The following SLC35F1 variants were observed in gnomAD, a reference collection of about 807,000 sequenced individuals.
SLC35F1 encodes the protein chromosome 6 open reading frame 169.
A neutral mutation model predicts 48.7 loss-of-function variants in SLC35F1; 14 were observed. The ratio of observed to expected loss-of-function variants is 0.29; its 90% confidence interval spans 0.19 to 0.45. SLC35F1 has a LOEUF of 0.45. Ranked by LOEUF, SLC35F1 falls within the 20% of genes least tolerant of loss-of-function variation. The pLI is 1.00. For missense variants in SLC35F1, 404 were observed against 500.0 expected (o/e 0.81, Z 1.83); for synonymous variants, 190 against 202.2 (o/e 0.94, Z 0.51).
chr6:118,198,268 A>G (rs763832796), intron 2 of SLC35F1, among the ~76,000 whole-genome samples: 19 of 152,238 alleles, frequency 1.2e-4, no homozygotes, highest in Non-Finnish European at 2.1e-4. Context: ...GCTCACAGAT[A>G]TGCCAGTTTC....
At chr6:118,061,588 G>GTATATATATATATATATATATATATA (rs1237884567) in intron 1 of SLC35F1, among the ~76,000 whole-genome samples, 1 of 144,682 alleles carries the variant, frequency 6.9e-6, no homozygotes. Flanking sequence ...GTGTGTGTGT[G>GTATATATATATATATATATATATATA]TGTATATATA....
intron 2 of SLC35F1, among the ~76,000 whole-genome samples, chr6:118,233,755 C>T (rs993943271): frequency 5.3e-5 from 8 of 152,232 alleles, no homozygotes; most frequent in African/African-American, 1.7e-4. Flanking sequence ...AAGGGCTTAG[C>T]CAAAAGACCA....
At chr6:118,037,380 T>C (rs974067653) in intron 1 of SLC35F1, among the ~76,000 whole-genome samples, 4 of 152,206 alleles carry the variant, frequency 2.6e-5, no homozygotes, top group African/African-American at 4.8e-5. Context: ...TTATCATTTT[T>C]TTATCTGTGT....
chr6:118,240,611 AC>A (rs1775426053), intron 3 of SLC35F1, among the ~76,000 whole-genome samples: 1 of 152,238 alleles, frequency 6.6e-6, no homozygotes, highest in Non-Finnish European at 1.5e-5. Context: ...ACGAATGAAG[AC>A]ATAATCAAGA....
intron 1 of SLC35F1, among the ~76,000 whole-genome samples, chr6:117,918,874 A>G (rs1006535296): frequency 6.6e-6 from 1 of 151,960 alleles, no homozygotes; most frequent in Admixed American, 6.6e-5. Flanking sequence ...GAGAGAGAGA[A>G]GAGGGAATTA....
intron 1 of SLC35F1, among the ~76,000 whole-genome samples, chr6:117,965,077 T>C (rs1397534438): frequency 6.6e-6 from 1 of 152,170 alleles, no homozygotes; most frequent in East Asian, 1.9e-4. Context: ...TTCAGTTGCT[T>C]GATAGGATCT....
chr6:117,908,136 G>C (rs963225704), intron 1 of SLC35F1, among the ~76,000 whole-genome samples: 1 of 152,218 alleles, frequency 6.6e-6, no homozygotes, highest in African/African-American at 2.4e-5. Context: ...GGGAGTTCGG[G>C]GAGAGGCGGG....
At chr6:117,975,310 G>T (rs1310191148) in intron 1 of SLC35F1, among the ~76,000 whole-genome samples, 1 of 152,166 alleles carries the variant, frequency 6.6e-6, no homozygotes, top group Non-Finnish European at 1.5e-5. Context: ...AAGAAATTTT[G>T]ATTAGAGTTA....
intron 6 of SLC35F1, among the ~76,000 whole-genome samples, chr6:118,282,082 G>C (rs190041651): frequency 6.6e-6 from 1 of 152,322 alleles, no homozygotes; most frequent in East Asian, 1.9e-4. Context: ...CACATACTCT[G>C]TTATAAATGT....
intron 6 of SLC35F1, 70 bp downstream of exon 6, chr6:118,277,616 C>A: frequency 1.5e-6 from 2 of 1,371,158 alleles, no homozygotes; most frequent in South Asian, 1.2e-5. Flanking sequence ...TGATGTGGGT[C>A]GGGTGGAGCA....
At chr6:118,139,334 G>A (rs906804095) in intron 1 of SLC35F1, among the ~76,000 whole-genome samples, 6 of 152,198 alleles carry the variant, frequency 3.9e-5, no homozygotes, top group African/African-American at 1.4e-4. Context: ...GGATGGTCTC[G>A]ATCTCCTGAC....
In SLC35F1 at chr6:118,264,216, G is replaced by C. The variant is rs1009105254; in HGVS notation, c.478-2779G>C. On this transcript the variant is annotated intron_variant, in intron 3 of 7. Coordinates refer to ENST00000360388, the MANE Select transcript of SLC35F1 (RefSeq NM_001029858.4). ...CCTGCAGAGAGCATGAGACAATCTT[G>C]CAAAATCAGTTGTCCCACCCTAAAT... Among the ~76,000 whole-genome samples, 4 of 152,246 alleles carry C rather than the reference G, an allele frequency of 2.6e-5. No homozygotes were observed. In the South Asian group the frequency reaches 8.3e-4, roughly 32 times the overall value.
At chr6:117,933,550 G>T (rs1776127724) in intron 1 of SLC35F1, among the ~76,000 whole-genome samples, 1 of 152,128 alleles carries the variant, frequency 6.6e-6, no homozygotes, top group South Asian at 2.1e-4. Flanking sequence ...ACACTGGTTA[G>T]AACTGCCCTC....
intron 7 of SLC35F1, among the ~76,000 whole-genome samples, chr6:118,299,987 A>G (rs1405194658): frequency 6.6e-6 from 1 of 152,220 alleles, no homozygotes; most frequent in Non-Finnish European, 1.5e-5. Context: ...CATGTAAATC[A>G]TTTACTGCAA....
In SLC35F1 at chr6:117,978,654, G is replaced by A. The variant is rs186883985; in HGVS notation, c.173+70755G>A. On this transcript the variant is annotated intron_variant, in intron 1 of 7. Coordinates refer to ENST00000360388, the MANE Select transcript of SLC35F1 (RefSeq NM_001029858.4). ...TGGCAGAAACCCTGGTTCCCATTCT[G>A]TCTCACTTACACTGTCATTCCCTAG... 6.6e-5 allele frequency among the ~76,000 whole-genome samples: 10 copies of A among 152,186 alleles called. No individual in the cohort carries two copies. In the East Asian group the frequency reaches 1.9e-3, roughly 29 times the overall value.
At chr6:117,975,165 A>T (rs994630529) in intron 1 of SLC35F1, among the ~76,000 whole-genome samples, 18 of 152,360 alleles carry the variant, frequency 1.2e-4, no homozygotes, top group African/African-American at 3.6e-4. Context: ...CCTTCCATTG[A>T]TGTTTAGAAA....
chr6:117,984,616 C>A (rs1776826378), intron 1 of SLC35F1, among the ~76,000 whole-genome samples: 1 of 151,990 alleles, frequency 6.6e-6, no homozygotes, highest in Admixed American at 6.6e-5. Flanking sequence ...TTTATGGATT[C>A]TCTGTGGCTG....
intron 3 of SLC35F1, among the ~76,000 whole-genome samples, chr6:118,253,119 G>C (rs925332360): frequency 2.0e-5 from 3 of 152,114 alleles, no homozygotes; most frequent in African/African-American, 7.2e-5. Flanking sequence ...AAGTCAGAAC[G>C]GTAGGTGAAA....
chr6:118,183,399 G>C (rs1353795393), intron 2 of SLC35F1, among the ~76,000 whole-genome samples: 6 of 151,980 alleles, frequency 3.9e-5, no homozygotes, highest in Admixed American at 3.9e-4. Context: ...ATAATGACGA[G>C]TTAATGGGTG....
Sources: allele counts gnomAD v4.1 joint callset (sites outside exome capture counted in the v4.1 genomes callset), GRCh38; gene constraint gnomAD v4.1.1; transcripts MANE v1.5; gene names NCBI Gene and HGNC (gene_info 2026-07-23, HGNC 2026-07-21).